RBFOX1: variants seen among roughly 807,000 people sequenced by gnomAD.
RBFOX1 encodes the protein RNA binding fox-1 homolog 1.
RBFOX1 carries 8 observed loss-of-function variants against 57.7 expected under a neutral mutation model. The observed-to-expected ratio is 0.14, with a 90% CI of 0.08 to 0.25. RBFOX1 has a LOEUF of 0.25. RBFOX1 is among the 10% of genes least tolerant of loss of function. The pLI, the probability that RBFOX1 is intolerant of heterozygous loss-of-function variation, is 1.00. For missense variants in RBFOX1, 611 were observed against 548.5 expected (o/e 1.11, Z -1.14); for synonymous variants, 326 against 222.4 (o/e 1.47, Z -4.15).
intron 3 of RBFOX1, among the ~76,000 whole-genome samples, chr16:7,027,735 G>T (rs570818099): frequency 6.6e-6 from 1 of 152,022 alleles, no homozygotes. Flanking sequence ...AAAACAAATA[G>T]ACTTCTTTCC....
At chr16:5,763,382 C>T (rs996817626) in intron 3 of RBFOX1, among the ~76,000 whole-genome samples, 5 of 152,170 alleles carry the variant, frequency 3.3e-5, no homozygotes, top group East Asian at 1.9e-4. Flanking sequence ...CCAGCTACAG[C>T]GATGCAAACG....
chr16:6,374,966 T>C (rs534775001), intron 2 of RBFOX1, among the ~76,000 whole-genome samples: 9 of 152,334 alleles, frequency 5.9e-5, no homozygotes, highest in African/African-American at 2.2e-4. Context: ...CCTGAGGAAG[T>C]GTGAAAACAG....
At chr16:5,862,603 G>C (rs1357320246) in intron 3 of RBFOX1, among the ~76,000 whole-genome samples, 1 of 152,206 alleles carries the variant, frequency 6.6e-6, no homozygotes, top group Non-Finnish European at 1.5e-5. Flanking sequence ...GCGCTGTCTA[G>C]GATGATAGAG....
At chr16:5,824,746 A>T (rs961677857) in intron 3 of RBFOX1, among the ~76,000 whole-genome samples, 4 of 152,206 alleles carry the variant, frequency 2.6e-5, no homozygotes, top group African/African-American at 9.7e-5. Context: ...TGCTTTCTAC[A>T]TTATAACTGC....
intron 4 of RBFOX1, among the ~76,000 whole-genome samples, chr16:7,112,497 G>A (rs541399242): frequency 7.9e-5 from 12 of 151,614 alleles, no homozygotes; most frequent in African/African-American, 1.7e-4. Flanking sequence ...ATGAGCCACC[G>A]TGCCCAGCCT....
At chr16:5,727,307 A>G (rs12600197) in intron 3 of RBFOX1, among the ~76,000 whole-genome samples, 1 of 151,848 alleles carries the variant, frequency 6.6e-6, no homozygotes, top group Non-Finnish European at 1.5e-5. Context: ...AAATAAAACC[A>G]TGATGTGAAG....
At chr16:6,244,826 A>G (rs918367109) in intron 1 of RBFOX1, among the ~76,000 whole-genome samples, 7 of 152,088 alleles carry the variant, frequency 4.6e-5, no homozygotes, top group Non-Finnish European at 7.4e-5. Flanking sequence ...ACTTTTGTTC[A>G]TGCTTTTGGT....
At chr16:5,801,123 T>C (rs1247067425) in intron 3 of RBFOX1, among the ~76,000 whole-genome samples, 2 of 152,200 alleles carry the variant, frequency 1.3e-5, no homozygotes, top group Admixed American at 6.5e-5. Context: ...TGGAAGTTCC[T>C]GGGCGCATGT....
At chr16:5,254,709 C>A (rs1171319011) in intron 1 of RBFOX1, among the ~76,000 whole-genome samples, 1 of 152,114 alleles carries the variant, frequency 6.6e-6, no homozygotes, top group South Asian at 2.1e-4. Context: ...ACAGTTCCAG[C>A]GTTTAGTGAG....
chr16:5,930,202 A>AATGGATGGATGG (rs56153541), intron 4 of RBFOX1, among the ~76,000 whole-genome samples: 5 of 112,090 alleles, frequency 4.5e-5, no homozygotes, highest in African/African-American at 7.1e-5. Flanking sequence ...AAGAAAGAAG[A>AATGGATGGATGG]ATGGATGGAT....
intron 4 of RBFOX1, among the ~76,000 whole-genome samples, chr16:7,492,891 A>C (rs1020796020): frequency 1.3e-5 from 2 of 151,876 alleles, no homozygotes; most frequent in African/African-American, 4.8e-5. Context: ...ACCATGAGCT[A>C]ATTAAGCCTC....
chr16:6,889,650 A>G (rs372533572), intron 3 of RBFOX1, among the ~76,000 whole-genome samples: 15 of 152,160 alleles, frequency 9.9e-5, no homozygotes, highest in South Asian at 2.1e-4. Flanking sequence ...CCCATCCTCA[A>G]TCCACCAGCT....
At chr16:7,001,157 T>A (rs904993801) in intron 3 of RBFOX1, among the ~76,000 whole-genome samples, 1 of 152,056 alleles carries the variant, frequency 6.6e-6, no homozygotes, top group Non-Finnish European at 1.5e-5. Context: ...TCCGTTTGAG[T>A]TAGTTTGCTT....
rs1603621048 is a variant in RBFOX1, at chr16:6,780,020, T to TATATTTATATATATTTATATATATTTAC, written c.-16+125421_-16+125448dup. ...ATTTATATATATTTATATATATTTA[T>TATATTTATATATATTTATATATATTTAC]ATATTTATATATATTTATATATATT... On this transcript the variant is annotated intron_variant, in intron 3 of 15. Transcript: ENST00000550418. Among the ~76,000 whole-genome samples, 4 of 45,674 alleles carry TATATTTATATATATTTATATATATTTAC rather than the reference T, an allele frequency of 8.8e-5. 1 individual carries two copies. Among genetic ancestry groups the TATATTTATATATATTTATATATATTTAC allele is most frequent in the African/African-American group, 1.1e-4 (1 of 8,880 alleles). 30.0% of individuals were successfully genotyped at this position (45,674 alleles called of 152,430 possible). A position where few individuals can be genotyped will look rare whatever the true frequency, so the allele number is the denominator to read the frequency against.
At chr16:7,026,113 G>GA (rs1448365496) in intron 3 of RBFOX1, among the ~76,000 whole-genome samples, 1 of 152,140 alleles carries the variant, frequency 6.6e-6, no homozygotes, top group Non-Finnish European at 1.5e-5. Flanking sequence ...ATGGTCACAG[G>GA]CCAGGGTGGA....
chr16:5,681,046 G>A (rs1324316724), intron 3 of RBFOX1, among the ~76,000 whole-genome samples: 3 of 151,762 alleles, frequency 2.0e-5, no homozygotes, highest in African/African-American at 4.8e-5. Context: ...TAGATAAGAT[G>A]GCCAGAAAAG....
At chr16:7,227,285 A>ACCCCCCCCCCCCCC (rs1284183490) in intron 4 of RBFOX1, among the ~76,000 whole-genome samples, 44 of 73,232 alleles carry the variant, frequency 6.0e-4, no homozygotes, top group East Asian at 4.2e-3. Context: ...CACACACCCC[A>ACCCCCCCCCCCCCC]CCCCACCCCC....
intron 4 of RBFOX1, among the ~76,000 whole-genome samples, chr16:7,232,603 A>C (rs1353964627): frequency 1.3e-5 from 2 of 152,086 alleles, no homozygotes; most frequent in African/African-American, 4.8e-5. Flanking sequence ...GCGCTTTGGG[A>C]GGCCGAAGCG....
chr16:7,489,601 G>A (rs748107887), intron 4 of RBFOX1, among the ~76,000 whole-genome samples: 20 of 151,782 alleles, frequency 1.3e-4, no homozygotes, highest in South Asian at 4.1e-4. Flanking sequence ...CTGCAGCCTC[G>A]AACTCCCGGA....
Sources: allele counts gnomAD v4.1 joint callset (sites outside exome capture counted in the v4.1 genomes callset), GRCh38; gene constraint gnomAD v4.1.1; transcripts MANE v1.5; gene names NCBI Gene and HGNC (gene_info 2026-07-23, HGNC 2026-07-21).